Variants in DYNC1LI1 observed in about 807,000 individuals in gnomAD.
The protein encoded by DYNC1LI1 is cytoplasmic dynein 1 light intermediate chain 1.
In DYNC1LI1, 19 loss-of-function variants were observed where a neutral mutation model predicts 63.8. That is an observed-to-expected ratio of 0.30 (90% confidence interval 0.21 to 0.44). The LOEUF is 0.44. Ranked by LOEUF, DYNC1LI1 falls within the 20% of genes least tolerant of loss-of-function variation. The pLI is 1.00. For missense variants in DYNC1LI1, 565 were observed against 630.2 expected, an observed-to-expected ratio of 0.90 and a Z score of 1.11; for synonymous variants, 225 against 232.3, an observed-to-expected ratio of 0.97 and a Z score of 0.28.
At chr3:32,567,730 G>A in intron 2 of DYNC1LI1, among the ~76,000 whole-genome samples, 1 of 143,672 alleles carries the variant, frequency 7.0e-6, no homozygotes, top group Admixed American at 7.0e-5. Flanking sequence ...TTGAGACAGA[G>A]TCTCGCTCTG....
At position 32,541,111 on chromosome 3, in the gene DYNC1LI1, T is replaced by C. The variant is rs149345305; in HGVS notation, c.664A>G (p.Ser222Gly). Residue 222 changes from serine to glycine, a missense_variant, in exon 5 of 13, where the codon AGT becomes GGT. By Grantham distance (56) the Ser-to-Gly change is moderately conservative. Transcript: ENST00000273130. ...NTASQEDKDD[S>G]VVLPLGADTL... ...TCCGCACCCAGAGGTAAAACTACAC[T>C]GTCATCTTTGTCTTCTTGTGACGCA... 1.2e-5 allele frequency: 20 copies of C among 1,613,880 alleles called. No individual in the cohort carries two copies. Among genetic ancestry groups the C allele is most frequent in the Admixed American group, 3.3e-5 (2 of 59,994 alleles).
At chr3:32,541,260 T>C (rs996107994) in intron 4 of DYNC1LI1, 54 bp from the exon 5 acceptor site, 19 of 1,186,300 alleles carry the variant, frequency 1.6e-5, no homozygotes, top group Non-Finnish European at 2.3e-5. Context: ...GCAGGTAACT[T>C]TTCTTGCCAT....
chr3:32,531,775 T>C (rs1219951206), intron 8 of DYNC1LI1: 1 of 152,206 alleles, frequency 6.6e-6, no homozygotes, highest in Non-Finnish European at 1.5e-5. Context: ...AAATTATTTT[T>C]TCTTGATATA....
At chr3:32,532,824 T>C in intron 8 of DYNC1LI1, 162 bp downstream of exon 8, 1 of 1,240,168 alleles carries the variant, frequency 8.1e-7, no homozygotes, top group Non-Finnish European at 1.0e-6. Flanking sequence ...CTAAAACAAA[T>C]CCTTATGTAA....
In DYNC1LI1 at chr3:32,570,367, C is replaced by A; in HGVS notation, c.199G>T (p.Gly67Trp). The change falls in exon 2 of 13, where the codon GGG (glycine) becomes TGG (tryptophan). Residue 67 changes from glycine to tryptophan, a missense_variant. Gly to Trp is a radical substitution (Grantham distance 184, BLOSUM62 -2). Coordinates refer to ENST00000273130, the MANE Select transcript of DYNC1LI1 (RefSeq NM_016141.4). Reference sequence around the variant, plus strand: ...TTACCCAGCAGTAGCACGTTCTTCCCCGCAGGGAGCTTGGAGCGCGAGCGG... The same window carrying A: ...TTACCCAGCAGTAGCACGTTCTTCCACGCAGGGAGCTTGGAGCGCGAGCGG... ...STRSRSKLPA[G>W]KNVLLLGEDG... 1 of 1,601,898 alleles carries A rather than the reference C, an allele frequency of 6.2e-7. No individual in the cohort carries two copies.
chr3:32,541,198 C>T lies in DYNC1LI1; in HGVS notation c.577G>A (p.Asp193Asn). Residue 193 changes from aspartate (D) to asparagine (N), a missense_variant, in exon 5 of 13, where the codon GAC becomes AAC. Physicochemically the swap from Asp to Asn is conservative, Grantham distance 23 (BLOSUM62 1). Coordinates refer to ENST00000273130, the MANE Select transcript of DYNC1LI1 (RefSeq NM_016141.4). ...MKQMEQKLIR[D>N]FQEYVEPGED... is the part of the protein sequence containing the mutation. ...CCTGGCTCTACATATTCTTGGAAGT[C>T]TCTAATCACTGAAAATCAAAGTAAA... 6.3e-7 allele frequency: 1 copy of T among 1,583,020 alleles called. No homozygotes were observed. The highest frequency in any genetic ancestry group is 8.6e-7 in the Non-Finnish European group (1 of 1,164,356).
At chr3:32,539,471 T>C (rs1225318917) in intron 5 of DYNC1LI1, among the ~76,000 whole-genome samples, 1 of 152,116 alleles carries the variant, frequency 6.6e-6, no homozygotes, top group Non-Finnish European at 1.5e-5. Flanking sequence ...AACTATTCCA[T>C]GACTTACGAA....
At chr3:32,537,900 AAT>A (rs527775370) in intron 5 of DYNC1LI1, among the ~76,000 whole-genome samples, 3,567 of 63,336 alleles carry the variant, frequency 0.056, 493 homozygotes, top group Non-Finnish European at 0.067. Flanking sequence ...TTATATATAT[AAT>A]ATATATATAT....
intron 2 of DYNC1LI1, among the ~76,000 whole-genome samples, chr3:32,563,399 TC>T (rs1698218709): frequency 6.6e-6 from 1 of 151,030 alleles, no homozygotes; most frequent in Non-Finnish European, 1.5e-5. Flanking sequence ...CAAGCAATTC[TC>T]CCTGCCTCTA....
intron 4 of DYNC1LI1, 116 bp downstream of exon 4, chr3:32,544,760 T>C: frequency 1.5e-6 from 1 of 684,536 alleles, no homozygotes; most frequent in Non-Finnish European, 2.4e-6. Flanking sequence ...AAAAAAAAAG[T>C]ACTTACAATA....
At chr3:32,547,502 A>C (rs1697971924) in intron 2 of DYNC1LI1, among the ~76,000 whole-genome samples, 1 of 152,184 alleles carries the variant, frequency 6.6e-6, no homozygotes, top group Non-Finnish European at 1.5e-5. Flanking sequence ...AAGTCTTTAT[A>C]TCTGAATGCT....
intron 2 of DYNC1LI1, 61 bp downstream of exon 2, chr3:32,570,285 G>T: frequency 7.3e-7 from 1 of 1,371,522 alleles, no homozygotes; most frequent in East Asian, 2.5e-5. Flanking sequence ...GCTAGCCCGC[G>T]GACCAGGTAC....
At chr3:32,563,732 T>C (rs1698222844) in intron 2 of DYNC1LI1, among the ~76,000 whole-genome samples, 1 of 152,252 alleles carries the variant, frequency 6.6e-6, no homozygotes, top group Admixed American at 6.5e-5. Flanking sequence ...GCTGAATTAC[T>C]GCTCTACCAG....
intron 2 of DYNC1LI1, among the ~76,000 whole-genome samples, chr3:32,547,874 A>G (rs1161627197): frequency 6.6e-6 from 1 of 152,152 alleles, no homozygotes; most frequent in African/African-American, 2.4e-5. Flanking sequence ...CAACTCCATC[A>G]ACAAATGAAT....
Position 32,545,640 on chromosome 3 carries a change from C to CCAGG in DYNC1LI1, c.337+205_337+208dup, listed in dbSNP as rs2125438126. On this transcript the variant is annotated intron_variant, in intron 3 of 12. Transcript: ENST00000273130. ...ATGGTAGGAAAGAAGTATCTGCACA[C>CCAGG]CAGGATACCTTAAGATGCTTAAAAG... 9 of 544,636 alleles carry CCAGG rather than the reference C, an allele frequency of 1.7e-5. No individual in the cohort carries two copies. The South Asian group carries it at 2.0e-4, about 12-fold the overall frequency. 33.7% of individuals were successfully genotyped at this position (544,636 alleles called of 1,614,324 possible).
Position 32,545,788 on chromosome 3 carries a change from A to G in DYNC1LI1, c.337+61T>C. On this transcript the variant is annotated intron_variant, in intron 3 of 12. Transcript: ENST00000273130. The stretch of plus-strand genomic sequence containing the variant: ...ACACACTAAAAAAAATCAAAGACTA[A>G]TGTGAATGGCAGTGCACCTCAAAAT... 6.2e-6 allele frequency: 7 copies of G among 1,121,966 alleles called. No individual in the cohort carries two copies. In the South Asian group the frequency reaches 8.9e-5, roughly 14 times the overall value. 69.5% of individuals were successfully genotyped at this position (1,121,966 alleles called of 1,614,324 possible).
rs1553616941 is a variant in DYNC1LI1, at chr3:32,526,654, CA to C, written c.*144del. ...CGGCTCCTTCTAAAAAATGGGTAAC[CA>C]CACACACACACACACACACACACGA... On this transcript the variant is annotated 3_prime_UTR_variant, in exon 13 of 13. Transcript: ENST00000273130. 6.3e-6 allele frequency: 1 copy of C among 159,786 alleles called. No individual in the cohort carries two copies. The highest frequency in any genetic ancestry group is 1.1e-5 in the Non-Finnish European group (1 of 92,984). 9.9% of individuals were successfully genotyped at this position (159,786 alleles called of 1,614,324 possible). A position where few individuals can be genotyped will look rare whatever the true frequency, so the allele number is the denominator to read the frequency against.
chr3:32,543,232 GA>G (rs1007057489), intron 4 of DYNC1LI1, among the ~76,000 whole-genome samples: 24 of 144,316 alleles, frequency 1.7e-4, no homozygotes, highest in East Asian at 6.0e-4. Context: ...ATAGTAAACA[GA>G]AAAAAAAAAA....
At chr3:32,534,948 T>C (rs1483011889) in intron 6 of DYNC1LI1, among the ~76,000 whole-genome samples, 2 of 152,212 alleles carry the variant, frequency 1.3e-5, no homozygotes, top group Non-Finnish European at 2.9e-5. Flanking sequence ...TTAAAGCACA[T>C]GAAAGGACAA....
Sources: gnomAD v4.1 joint callset for allele counts (sites outside exome capture counted in the v4.1 genomes callset) on GRCh38, gnomAD v4.1.1 for gene constraint, MANE v1.5 for transcripts, NCBI Gene and HGNC (gene_info 2026-07-23, HGNC 2026-07-21) for gene names.